The following PM20D2 variants were observed in gnomAD, a reference collection of about 807,000 sequenced individuals.
PM20D2 encodes peptidase M20 domain containing 2, also known as xaa-Arg dipeptidase.
A neutral mutation model predicts 42.9 loss-of-function variants in PM20D2; 33 were observed. That is an observed-to-expected ratio of 0.77 (90% CI 0.58 to 1.03). The LOEUF is 1.03. Among genes scored for constraint, PM20D2 ranks in the 50% least tolerant of loss-of-function variants. The pLI, the probability that PM20D2 is intolerant of heterozygous loss-of-function variation, is 0.00. For missense variants in PM20D2, 548 were observed against 557.0 expected (o/e 0.98, Z 0.16); for synonymous variants, 250 against 228.2 (o/e 1.10, Z -0.86).
chr6:89,129,667 C>T, the PM20D2 span, among the ~76,000 whole-genome samples: 2 of 147,774 alleles, frequency 1.4e-5, no homozygotes, highest in South Asian at 4.2e-4. Flanking sequence ...AATGACAGCT[C>T]ACTGCAGCCT....
chr6:89,152,875 A>G (rs1030589848), intron 2 of PM20D2, among the ~76,000 whole-genome samples, 168 bp from the exon 3 acceptor site: 4 of 152,188 alleles, frequency 2.6e-5, no homozygotes, highest in Admixed American at 1.3e-4. Flanking sequence ...ATAATAAACT[A>G]TAACTAACAT....
chr6:89,118,940 C>A, the PM20D2 span, among the ~76,000 whole-genome samples: 9 of 152,364 alleles, frequency 5.9e-5, no homozygotes, highest in Admixed American at 5.9e-4. Context: ...CTCGTCTTCG[C>A]CTTGCTCCTG....
At chr6:89,110,010 G>A in the PM20D2 span, among the ~76,000 whole-genome samples, 1 of 151,998 alleles carries the variant, frequency 6.6e-6, no homozygotes, top group East Asian at 1.9e-4. Context: ...AGAATGGTGT[G>A]AACCCAGGAG....
At chr6:89,118,794 A>AG in the PM20D2 span, among the ~76,000 whole-genome samples, 1 of 152,192 alleles carries the variant, frequency 6.6e-6, no homozygotes, top group Non-Finnish European at 1.5e-5. Flanking sequence ...TACATTCTAG[A>AG]GGGGGGACAA....
At chr6:89,096,484 C>G in the PM20D2 span, 1 of 152,226 alleles carries the variant, frequency 6.6e-6, no homozygotes, top group Non-Finnish European at 1.5e-5. Flanking sequence ...GAGCTATTAT[C>G]ATTCCAGCTT....
chr6:89,118,723 G>A, the PM20D2 span, among the ~76,000 whole-genome samples: 1 of 152,166 alleles, frequency 6.6e-6, no homozygotes, highest in Non-Finnish European at 1.5e-5. Flanking sequence ...TCTACTATGC[G>A]CCAGGCACTT....
chr6:89,098,828 C>T, the PM20D2 span: 250 of 1,613,888 alleles, frequency 1.5e-4, no homozygotes, highest in East Asian at 4.9e-3. Context: ...GGACCTTGAC[C>T]GTCCTCTAGA....
the PM20D2 span, among the ~76,000 whole-genome samples, chr6:89,140,808 G>C: frequency 6.6e-6 from 1 of 152,182 alleles, no homozygotes; most frequent in Non-Finnish European, 1.5e-5. Context: ...CAGGTCATCA[G>C]GTACCAGGAC....
the PM20D2 span, among the ~76,000 whole-genome samples, chr6:89,100,671 G>A: frequency 5.7e-4 from 87 of 152,042 alleles, no homozygotes; most frequent in Middle Eastern, 3.4e-3. Context: ...AAGAGGAAAA[G>A]ACAAAACAGA....
At chr6:89,104,283 C>T in the PM20D2 span, among the ~76,000 whole-genome samples, 1 of 144,800 alleles carries the variant, frequency 6.9e-6, no homozygotes, top group Non-Finnish European at 1.5e-5. Flanking sequence ...GTCGCTCAGG[C>T]TGGAGTGCAA....
chr6:89,150,032 T>A (rs1770774033), intron 2 of PM20D2, among the ~76,000 whole-genome samples: 1 of 152,200 alleles, frequency 6.6e-6, no homozygotes, highest in Non-Finnish European at 1.5e-5. Flanking sequence ...ATTTCAACCA[T>A]AGTAGTAACT....
chr6:89,107,255 A>T, the PM20D2 span: 1 of 1,611,602 alleles, frequency 6.2e-7, no homozygotes. Flanking sequence ...GCAAGTCCTC[A>T]GGCCTGAAGT....
the PM20D2 span, among the ~76,000 whole-genome samples, chr6:89,114,744 T>C: frequency 1.3e-5 from 2 of 152,212 alleles, no homozygotes; most frequent in Non-Finnish European, 2.9e-5. Flanking sequence ...CTGCATGACG[T>C]TTAAACATTT....
intron 3 of PM20D2, among the ~76,000 whole-genome samples, chr6:89,153,662 A>C (rs1043334025): frequency 6.6e-6 from 1 of 152,054 alleles, no homozygotes; most frequent in African/African-American, 2.4e-5. Context: ...CAGTGGTGCA[A>C]TCTCGGCTCA....
chr6:89,107,203 T>C, the PM20D2 span: 5 of 1,614,032 alleles, frequency 3.1e-6, no homozygotes, highest in Non-Finnish European at 4.2e-6. Flanking sequence ...TCAAGTGGAA[T>C]GTAAACGTCT....
At chr6:89,146,724 G>C (rs1770584415) in intron 1 of PM20D2, 115 bp downstream of exon 1, 1 of 859,394 alleles carries the variant, frequency 1.2e-6, no homozygotes, top group Non-Finnish European at 1.6e-6. Flanking sequence ...CCCGGGGCAG[G>C]TGTGTGTGGG....
chr6:89,141,119 C>G (rs1582317778), upstream of PM20D2, among the ~76,000 whole-genome samples: 1 of 152,134 alleles, frequency 6.6e-6, no homozygotes, highest in African/African-American at 2.4e-5. Context: ...GCATCTACCT[C>G]CTCTCCACGT....
chr6:89,103,390 G>A, the PM20D2 span, among the ~76,000 whole-genome samples: 3 of 151,218 alleles, frequency 2.0e-5, no homozygotes, highest in East Asian at 1.9e-4. Context: ...GAGCAGTGGC[G>A]TGATCTCAGC....
chr6:89,097,394 TAAC>T, the PM20D2 span: 2 of 152,364 alleles, frequency 1.3e-5, no homozygotes, highest in African/African-American at 4.8e-5. Context: ...TTATTAGTTA[TAAC>T]AACTACAAAA....
Sources: allele counts gnomAD v4.1 joint callset (sites outside exome capture counted in the v4.1 genomes callset), GRCh38; gene constraint gnomAD v4.1.1; transcripts MANE v1.5; gene names NCBI Gene and HGNC (gene_info 2026-07-23, HGNC 2026-07-21).